CACNA1E: variants seen among roughly 807,000 people sequenced by gnomAD.
CACNA1E encodes the protein calcium voltage-gated channel subunit alpha1 E.
In CACNA1E, 40 loss-of-function variants were observed where a neutral mutation model predicts 259.2. That is an observed-to-expected ratio of 0.15 (90% confidence interval 0.12 to 0.20). The LOEUF (loss-of-function observed/expected upper bound fraction) is 0.20. CACNA1E is among the 10% of genes least tolerant of loss of function. The probability of loss-of-function intolerance (pLI) is 1.00; values close to 1 mark genes in which losing one functional copy is unlikely to be tolerated. For synonymous variants in CACNA1E, 1,104 were observed against 1,138.5 expected, an observed-to-expected ratio of 0.97 and a Z score of 0.61; for missense variants, 1,874 against 3,040.1, an observed-to-expected ratio of 0.62 and a Z score of 9.02.
chr1:181,616,637 T>C (rs199962), intron 6 of CACNA1E, among the ~76,000 whole-genome samples: 137,196 of 152,172 alleles, frequency 0.9, 62,054 homozygotes, highest in East Asian at 0.98. Flanking sequence ...TTGCCTGAAC[T>C]GGGGAGGCAG....
intron 1 of CACNA1E, among the ~76,000 whole-genome samples, chr1:181,396,133 C>T (rs995203492): frequency 1.3e-5 from 2 of 152,162 alleles, no homozygotes; most frequent in African/African-American, 2.4e-5. Flanking sequence ...CCATGTAGGC[C>T]ATCTGAGTGG....
At chr1:181,648,506 A>G (rs973462980) in intron 6 of CACNA1E, among the ~76,000 whole-genome samples, 27 of 152,220 alleles carry the variant, frequency 1.8e-4, no homozygotes, top group African/African-American at 6.3e-4. Context: ...AGTGTTTATG[A>G]AATGGTGGAA....
chr1:181,484,841 T>C (rs997874804), intron 1 of CACNA1E, among the ~76,000 whole-genome samples: 2 of 152,182 alleles, frequency 1.3e-5, no homozygotes, highest in Non-Finnish European at 2.9e-5. Flanking sequence ...GAGGTGTGCA[T>C]GCAGTCTCTC....
chr1:181,771,856 A>G (rs972085392), intron 36 of CACNA1E, among the ~76,000 whole-genome samples: 1 of 152,170 alleles, frequency 6.6e-6, no homozygotes, highest in African/African-American at 2.4e-5. Flanking sequence ...TAAAAGATGG[A>G]GACGCAGTGG....
At chr1:181,583,628 C>T (rs1394729070) in intron 6 of CACNA1E, among the ~76,000 whole-genome samples, 3 of 152,150 alleles carry the variant, frequency 2.0e-5, no homozygotes, top group African/African-American at 7.2e-5. Context: ...TAGATGCCTC[C>T]CTATGACCTT....
At chr1:181,374,207 G>T (rs572350870) in intron 1 of CACNA1E, among the ~76,000 whole-genome samples, 4 of 152,096 alleles carry the variant, frequency 2.6e-5, no homozygotes, top group African/African-American at 9.6e-5. Flanking sequence ...TTTGATCTTT[G>T]TTTTCATTAG....
At position 181,654,103 on chromosome 1, in the gene CACNA1E, A is replaced by C. The variant is rs207460732; in HGVS notation, c.1055+2662A>C. 3.9e-5 allele frequency among the ~76,000 whole-genome samples: 6 copies of C among 152,228 alleles called. No homozygotes were observed. The South Asian group carries it at 1.2e-3, about 32-fold the overall frequency. ...GACAAATTTAAAAGCTGTATCTGCT[A>C]TTAGAGATAGAAGAGAAACCATTTC... On this transcript the variant is annotated intron_variant, in intron 7 of 47. Transcript: ENST00000367573.
In CACNA1E at chr1:181,717,107, C is replaced by G. The variant is rs1572688248; in HGVS notation, c.1330C>G (p.Arg444Gly). ...CTCCCTCTTAGGCACACCTCTGGCC[C>G]GAGCCAGTATCAAAAGTGCAAAGGT... Reference protein sequence around the residue: ...DISSVGTPLARASIKSAKVDG... With the variant: ...DISSVGTPLAGASIKSAKVDG... The change falls in exon 11 of 48, where the codon CGA (arginine) becomes GGA (glycine). Residue 444 changes from arginine (R) to glycine (G), a missense_variant. This residue lies in a region of CACNA1E where 157 missense variants were observed against 203.5 expected (regional missense o/e 0.77). Coordinates refer to ENST00000367573, the MANE Select transcript of CACNA1E (RefSeq NM_001205293.3). The G allele has an allele frequency of 6.2e-7, 1 of 1,613,944 alleles. No individual in the cohort carries two copies. The highest frequency in any genetic ancestry group is 2.2e-5 in the East Asian group (1 of 44,888).
chr1:181,472,864 A>C (rs1487040520), intron 2 of CACNA1E, among the ~76,000 whole-genome samples: 2 of 152,198 alleles, frequency 1.3e-5, no homozygotes, highest in Non-Finnish European at 2.9e-5. Flanking sequence ...GAAAGTTTAA[A>C]AATAACCTGA....
chr1:181,631,689 G>A (rs1377552469), intron 6 of CACNA1E, among the ~76,000 whole-genome samples: 3 of 152,190 alleles, frequency 2.0e-5, no homozygotes, highest in African/African-American at 7.2e-5. Context: ...TGGAGCACCT[G>A]AGGGAGGAAG....
chr1:181,721,701 G>T, intron 15 of CACNA1E, 57 bp from the exon 16 acceptor site: 2 of 1,107,848 alleles, frequency 1.8e-6, no homozygotes, highest in Non-Finnish European at 1.4e-6. Flanking sequence ...CTTGGCATTG[G>T]CCCCATTTTC....
At chr1:181,505,561 A>T (rs1665638827) in intron 1 of CACNA1E, among the ~76,000 whole-genome samples, 1 of 151,902 alleles carries the variant, frequency 6.6e-6, no homozygotes, top group African/African-American at 2.4e-5. Flanking sequence ...TTTTTAGTAG[A>T]GATGGGGTTT....
chr1:181,453,797 G>C (rs1661298197), intron 2 of CACNA1E, among the ~76,000 whole-genome samples: 1 of 152,156 alleles, frequency 6.6e-6, no homozygotes, highest in Non-Finnish European at 1.5e-5. Context: ...GAGGAATTCT[G>C]GTGCTGAGAC....
In CACNA1E at chr1:181,798,326, C is replaced by G. The variant is rs189356042; in HGVS notation, c.6434C>G (p.Ser2145Cys). Residue 2145 changes from serine to cysteine, a missense_variant, in exon 48 of 48, where the codon TCT (serine) becomes TGT (cysteine). By Grantham distance (112) the Ser-to-Cys change is moderately radical (BLOSUM62 -1). Around this residue, in one of 14 missense-constraint regions of CACNA1E, gnomAD observed 542 missense variants for 587.2 expected, o/e 0.92. Coordinates refer to ENST00000367573, the MANE Select transcript of CACNA1E (RefSeq NM_001205293.3). The surrounding 1 kb of genome is among the most constrained non-coding windows in gnomAD (Gnocchi z 4.2). Reference protein sequence around the residue: ...TGSLSESSIPSVSDTSTPRRS... With the variant: ...TGSLSESSIPCVSDTSTPRRS... ...TCCCTAAGTGAGAGCTCCATCCCCT[C>G]TGTCTCTGACACCAGCACCCCAAGA... 6.2e-7 allele frequency: 1 copy of G among 1,604,642 alleles called. No homozygotes were observed. The highest frequency in any genetic ancestry group is 2.2e-5 in the East Asian group (1 of 44,752).
chr1:181,710,602 T>A (rs1169236252), intron 7 of CACNA1E, among the ~76,000 whole-genome samples: 1 of 152,220 alleles, frequency 6.6e-6, no homozygotes, highest in Non-Finnish European at 1.5e-5. Context: ...AAAGAGTAGC[T>A]GTGCCCTTCA....
chr1:181,396,856 T>TA (rs1334894807), intron 1 of CACNA1E, among the ~76,000 whole-genome samples: 1 of 152,226 alleles, frequency 6.6e-6, no homozygotes, highest in Non-Finnish European at 1.5e-5. Flanking sequence ...AGAGAAATCT[T>TA]AAAATTGGGA....
At chr1:181,660,543 T>C (rs1387797449) in intron 7 of CACNA1E, among the ~76,000 whole-genome samples, 1 of 152,154 alleles carries the variant, frequency 6.6e-6, no homozygotes, top group African/African-American at 2.4e-5. Context: ...AAGACCTAGG[T>C]CTTGGCCACA....
At chr1:181,670,172 A>G (rs1457581214) in intron 7 of CACNA1E, among the ~76,000 whole-genome samples, 1 of 152,238 alleles carries the variant, frequency 6.6e-6, no homozygotes, top group Non-Finnish European at 1.5e-5. Context: ...GTTATAGTCC[A>G]TAGTCGAGGC....
chr1:181,471,034 C>T (rs1034360879), intron 2 of CACNA1E, among the ~76,000 whole-genome samples: 7 of 152,292 alleles, frequency 4.6e-5, no homozygotes, highest in South Asian at 2.1e-4. Flanking sequence ...AAATGTCTGT[C>T]GAGGACACGG....
Sources: gnomAD v4.1 joint callset for allele counts (sites outside exome capture counted in the v4.1 genomes callset) on GRCh38, gnomAD v4.1.1 for gene constraint, gnomAD v4.1.1 regional missense constraint, Gnocchi (gnomAD v3.1) non-coding constraint, MANE v1.5 for transcripts, NCBI Gene and HGNC (gene_info 2026-07-23, HGNC 2026-07-21) for gene names.